The following TUBGCP5 variants were observed in gnomAD, a reference collection of about 807,000 sequenced individuals.
The protein encoded by TUBGCP5 is gamma-tubulin complex component 5.
In TUBGCP5, 98 loss-of-function variants were observed where a neutral mutation model predicts 134.7. The ratio of observed to expected loss-of-function variants is 0.73; its 90% CI spans 0.62 to 0.86. The LOEUF (loss-of-function observed/expected upper bound fraction) is 0.86. Ranked by LOEUF, TUBGCP5 falls within the 40% of genes least tolerant of loss-of-function variation. TUBGCP5 has a pLI of 0.00. For missense variants in TUBGCP5, 1,150 were observed against 1,244.8 expected (o/e 0.92, Z 1.15); for synonymous variants, 456 against 431.4 (o/e 1.06, Z -0.71).
chr15:23,004,278 G>T (rs1306547220), intron 19 of TUBGCP5, 51 bp from the exon 20 acceptor site: 1 of 1,590,510 alleles, frequency 6.3e-7, no homozygotes, highest in East Asian at 2.3e-5. Flanking sequence ...TTGAGGACTT[G>T]TGTGCTGCAC....
At chr15:23,031,757 C>T (rs1009345155) in intron 5 of TUBGCP5, among the ~76,000 whole-genome samples, 193 bp downstream of exon 5, 7 of 152,072 alleles carry the variant, frequency 4.6e-5, no homozygotes, top group African/African-American at 1.2e-4. Flanking sequence ...CCACCATGCC[C>T]GGCCCCTTTT....
intron 3 of TUBGCP5, among the ~76,000 whole-genome samples, chr15:23,033,284 T>C (rs1007103415): frequency 6.6e-6 from 1 of 152,038 alleles, no homozygotes. Context: ...GTTTCATATT[T>C]TTTTTCCCCC....
chr15:23,015,934 G>C (rs8030834), intron 13 of TUBGCP5, among the ~76,000 whole-genome samples: 1 of 152,002 alleles, frequency 6.6e-6, no homozygotes, highest in Non-Finnish European at 1.5e-5. Context: ...AATCAATGTA[G>C]AAATACATCA....
Position 23,006,283 on chromosome 15 carries a change from C to A in TUBGCP5, c.2397G>T (p.Leu799=), listed in dbSNP as rs921862237. The A allele has an allele frequency of 1.9e-6, 3 of 1,610,736 alleles. No homozygotes were observed. The highest frequency in any genetic ancestry group is 1.3e-5 in the African/African-American group (1 of 74,744). ...KKLPVHILDG[L]TLSYKVPWPV... is the part of the protein sequence containing the mutation. ...CAGCATATACCTTGTAGCTGAGGGT[C>A]AGACCATCTAAGATATGAACAGGCA... is the stretch of plus-strand genomic sequence containing the variant. The change falls in exon 17 of 23, where the codon CTG becomes CTT. Residue 799 remains leucine, a synonymous_variant. Coordinates refer to ENST00000615383, the MANE Select transcript of TUBGCP5 (RefSeq NM_052903.6).
intron 23 of TUBGCP5, among the ~76,000 whole-genome samples, chr15:22,987,995 G>A (rs1266777707): frequency 6.8e-6 from 1 of 147,586 alleles, no homozygotes; most frequent in Middle Eastern, 3.2e-3. Flanking sequence ...CTGAGAACCA[G>A]ACAGTGGGAC....
chr15:23,000,188 T>G, intron 22 of TUBGCP5: 168 of 997,970 alleles, frequency 1.7e-4, no homozygotes, highest in Non-Finnish European at 2.0e-4. Flanking sequence ...ATTAGAGGCA[T>G]GAGCCACCGC....
At chr15:23,009,602 C>T (rs1360923485) in intron 15 of TUBGCP5, among the ~76,000 whole-genome samples, 2 of 151,838 alleles carry the variant, frequency 1.3e-5, no homozygotes, top group Non-Finnish European at 2.9e-5. Context: ...TTACAAAGTT[C>T]ATATGTGGGT....
At chr15:23,038,093 A>G (rs999180888) in intron 1 of TUBGCP5, among the ~76,000 whole-genome samples, 4 of 152,066 alleles carry the variant, frequency 2.6e-5, no homozygotes, top group African/African-American at 9.7e-5. Context: ...AACATGAACT[A>G]TTCATTTTTC....
intron 13 of TUBGCP5, among the ~76,000 whole-genome samples, chr15:23,016,812 T>C (rs1306196180): frequency 1.3e-5 from 2 of 151,722 alleles, no homozygotes; most frequent in East Asian, 3.9e-4. Flanking sequence ...CTATATGATA[T>C]AGCAATCCCA....
chr15:23,016,513 A>AG (rs533529327), intron 13 of TUBGCP5, among the ~76,000 whole-genome samples: 1 of 151,572 alleles, frequency 6.6e-6, no homozygotes, highest in Non-Finnish European at 1.5e-5. Flanking sequence ...AAAAAAAAAA[A>AG]GGCAAATGAT....
At position 23,031,934 on chromosome 15, in the gene TUBGCP5, A is replaced by T; in HGVS notation, c.486+16T>A. The T allele has an allele frequency of 6.3e-7, 1 of 1,587,622 alleles. No individual in the cohort carries two copies. On this transcript the variant is annotated intron_variant, in intron 5 of 22. Coordinates refer to ENST00000615383, the MANE Select transcript of TUBGCP5 (RefSeq NM_052903.6). ...CGTGTATTTCAATTTTCAATAGCAA[A>T]ACTACTACCACTTACTGGTGTGTCC...
intron 23 of TUBGCP5, among the ~76,000 whole-genome samples, chr15:22,993,158 G>T (rs1035919777): frequency 5.3e-5 from 8 of 152,036 alleles, no homozygotes; most frequent in African/African-American, 1.9e-4. Flanking sequence ...GGAGTGTAGC[G>T]GTGTGATCTC....
At chr15:23,039,334 T>A in intron 1 of TUBGCP5, 64 bp downstream of exon 1, 1 of 1,298,296 alleles carries the variant, frequency 7.7e-7, no homozygotes, top group South Asian at 2.3e-5. Flanking sequence ...CCCCGGGCTG[T>A]GCGGGACCCA....
chr15:22,988,753 G>GT (rs1192561755), intron 23 of TUBGCP5, among the ~76,000 whole-genome samples: 2 of 142,832 alleles, frequency 1.4e-5, no homozygotes, highest in Non-Finnish European at 3.1e-5. Flanking sequence ...AAAAAAATCT[G>GT]TTTTTTTGTT....
At chr15:22,989,507 A>G (rs1228114749) in intron 23 of TUBGCP5, among the ~76,000 whole-genome samples, 1 of 152,148 alleles carries the variant, frequency 6.6e-6, no homozygotes, top group African/African-American at 2.4e-5. Flanking sequence ...ATATCCCCTT[A>G]AATCATACTT....
downstream of TUBGCP5, among the ~76,000 whole-genome samples, chr15:22,998,323 CA>C (rs1464368351): frequency 6.6e-6 from 1 of 152,136 alleles, no homozygotes; most frequent in East Asian, 1.9e-4. Context: ...TTTCAAAAAA[CA>C]AGGAAATACC....
At chr15:22,989,803 C>T (rs940103186) in intron 23 of TUBGCP5, among the ~76,000 whole-genome samples, 5 of 152,196 alleles carry the variant, frequency 3.3e-5, no homozygotes, top group Non-Finnish European at 7.3e-5. Flanking sequence ...GGAGTGGGCA[C>T]CTGACCCAAG....
At chr15:23,026,350 A>G in intron 7 of TUBGCP5, 145 bp from the exon 8 acceptor site, 1 of 642,386 alleles carries the variant, frequency 1.6e-6, no homozygotes, top group Non-Finnish European at 2.7e-6. Context: ...TGCCCCCTAT[A>G]TTTTCATGTC....
intron 22 of TUBGCP5, 143 bp downstream of exon 22, chr15:23,000,426 A>G: frequency 7.0e-7 from 1 of 1,431,000 alleles, no homozygotes. Flanking sequence ...AATTCAAAGC[A>G]TGGGACAACT....
Sources: allele counts gnomAD v4.1 joint callset (sites outside exome capture counted in the v4.1 genomes callset), GRCh38; gene constraint gnomAD v4.1.1; transcripts MANE v1.5; gene names NCBI Gene and HGNC (gene_info 2026-07-23, HGNC 2026-07-21).